Variants in CNBD1 observed in about 807,000 individuals in gnomAD.
CNBD1 encodes cyclic nucleotide-binding domain-containing protein 1.
In CNBD1, 71 loss-of-function variants were observed where a neutral mutation model predicts 54.4. That is an observed-to-expected ratio of 1.30 (90% CI 1.08 to 1.59). The LOEUF is 1.59. CNBD1 is among the 40% of genes most tolerant of loss of function. The pLI, the probability that CNBD1 is intolerant of heterozygous loss-of-function variation, is 0.00. For synonymous variants in CNBD1, 182 were observed against 170.7 expected, an observed-to-expected ratio of 1.07 and a Z score of -0.51; for missense variants, 659 against 518.0, an observed-to-expected ratio of 1.27 and a Z score of -2.64.
intron 3 of CNBD1, among the ~76,000 whole-genome samples, chr8:86,907,415 C>T (rs1017930751): frequency 2.6e-5 from 4 of 152,130 alleles, no homozygotes; most frequent in African/African-American, 9.7e-5. Flanking sequence ...CACCTGTAAT[C>T]CCAGCACTTT....
Position 87,058,655 on chromosome 8 carries a change from G to A in CNBD1, c.431+118901G>A, listed in dbSNP as rs150682483. 4.9e-3 allele frequency among the ~76,000 whole-genome samples: 748 copies of A among 152,236 alleles called. 7 individuals are homozygous for A. The highest frequency in any genetic ancestry group is 0.017 in the African/African-American group (695 of 41,540). ...CTTCTCTGAAGCAATATCCTCAGCTGTACCTTGGTCCCTTTAACCATGGCT... is the reference window on the plus strand; with the variant it reads ...CTTCTCTGAAGCAATATCCTCAGCTATACCTTGGTCCCTTTAACCATGGCT... On this transcript the variant is annotated intron_variant, in intron 4 of 10. Transcript: ENST00000518476.
chr8:87,398,941 G>A (rs892599104), intron 2 of CNBD1, among the ~76,000 whole-genome samples: 1 of 151,948 alleles, frequency 6.6e-6, no homozygotes. Flanking sequence ...CCCTTAGTGG[G>A]ATATTTTTTC....
intron 5 of CNBD1, among the ~76,000 whole-genome samples, chr8:87,229,590 T>C (rs1814620140): frequency 6.6e-6 from 1 of 152,198 alleles, no homozygotes; most frequent in African/African-American, 2.4e-5. Flanking sequence ...ACTCTTTGAA[T>C]TCTATTTTGA....
chr8:87,073,775 A>G (rs1810807863), intron 4 of CNBD1, among the ~76,000 whole-genome samples: 1 of 152,066 alleles, frequency 6.6e-6, no homozygotes, highest in African/African-American at 2.4e-5. Context: ...GGGCTCACCT[A>G]GTCAAGAGGA....
chr8:86,979,914 C>T (rs191083476), intron 4 of CNBD1, among the ~76,000 whole-genome samples: 1 of 152,110 alleles, frequency 6.6e-6, no homozygotes, highest in Admixed American at 6.5e-5. Flanking sequence ...AAAAATGTGA[C>T]AGAAAAAATA....
At chr8:87,424,060 G>T (rs941836695) in intron 2 of CNBD1, among the ~76,000 whole-genome samples, 5 of 152,148 alleles carry the variant, frequency 3.3e-5, no homozygotes, top group Non-Finnish European at 7.4e-5. Context: ...TAGTTTATTT[G>T]TGTAGAAGTG....
At chr8:86,867,478 C>T (rs1808381634) in intron 1 of CNBD1, among the ~76,000 whole-genome samples, 1 of 152,138 alleles carries the variant, frequency 6.6e-6, no homozygotes. Context: ...AATTAATGCT[C>T]ATAGTCTCCA....
intron 10 of CNBD1, among the ~76,000 whole-genome samples, chr8:87,377,257 T>A (rs1263942816): frequency 6.6e-6 from 1 of 151,178 alleles, no homozygotes. Context: ...ACCCACTAAC[T>A]CATCATCTAG....
chr8:86,981,967 C>T (rs888360457), intron 4 of CNBD1, among the ~76,000 whole-genome samples: 1 of 152,134 alleles, frequency 6.6e-6, no homozygotes, highest in African/African-American at 2.4e-5. Context: ...TTATGTTTTA[C>T]TTAATAAGAA....
At chr8:86,983,739 G>A (rs11786731) in intron 4 of CNBD1, among the ~76,000 whole-genome samples, 66,805 of 152,020 alleles carry the variant, frequency 0.44, 15,938 homozygotes, top group South Asian at 0.55. Flanking sequence ...ATGATTTTGG[G>A]TATCTGGCAG....
At chr8:87,354,139 C>T (rs969043904) in intron 10 of CNBD1, among the ~76,000 whole-genome samples, 2 of 152,128 alleles carry the variant, frequency 1.3e-5, no homozygotes, top group Admixed American at 6.6e-5. Context: ...TGCTCTGTGT[C>T]CTGTCCTTCC....
At chr8:87,289,898 G>A (rs1563539477) in intron 8 of CNBD1, among the ~76,000 whole-genome samples, 2 of 152,150 alleles carry the variant, frequency 1.3e-5, no homozygotes, top group African/African-American at 2.4e-5. Flanking sequence ...CGAGGTGCCA[G>A]TGATTCAAGT....
At chr8:87,283,449 C>T (rs11778363) in intron 6 of CNBD1, among the ~76,000 whole-genome samples, 3,862 of 152,008 alleles carry the variant, frequency 0.025, 70 homozygotes, top group Non-Finnish European at 0.039. Context: ...GAGTTCCTTT[C>T]TCTCTGAATT....
At chr8:87,425,158 GT>G (rs1479741322) in intron 2 of CNBD1, among the ~76,000 whole-genome samples, 2 of 152,014 alleles carry the variant, frequency 1.3e-5, no homozygotes, top group Non-Finnish European at 2.9e-5. Context: ...TCGGGCCTTG[GT>G]TTTCAGCTCC....
At chr8:87,165,468 C>T (rs763609570) in intron 4 of CNBD1, among the ~76,000 whole-genome samples, 3 of 151,844 alleles carry the variant, frequency 2.0e-5, no homozygotes, top group Non-Finnish European at 4.4e-5. Context: ...CAATTATGTC[C>T]TCTCAATGGA....
intron 8 of CNBD1, among the ~76,000 whole-genome samples, chr8:87,294,237 T>C (rs1331897504): frequency 6.6e-6 from 1 of 152,078 alleles, no homozygotes; most frequent in Non-Finnish European, 1.5e-5. Context: ...ATATGAGGAA[T>C]GTTTTCATTA....
chr8:87,419,474 T>A (rs1807890080), intron 2 of CNBD1, among the ~76,000 whole-genome samples: 1 of 151,940 alleles, frequency 6.6e-6, no homozygotes, highest in African/African-American at 2.4e-5. Context: ...ACAATAAGAA[T>A]GCATAAGATT....
intron 2 of CNBD1, among the ~76,000 whole-genome samples, chr8:87,423,788 C>G (rs1807989752): frequency 6.6e-6 from 1 of 151,950 alleles, no homozygotes; most frequent in Admixed American, 6.6e-5. Context: ...ATGCTGGCCT[C>G]ATAAAATGAG....
At chr8:87,367,352 C>T (rs1217282028) in intron 10 of CNBD1, among the ~76,000 whole-genome samples, 1 of 152,048 alleles carries the variant, frequency 6.6e-6, no homozygotes, top group East Asian at 1.9e-4. Context: ...TCCAGGTGGG[C>T]TTTTTGAAGA....
Sources: gnomAD v4.1 joint callset for allele counts (sites outside exome capture counted in the v4.1 genomes callset) on GRCh38, gnomAD v4.1.1 for gene constraint, MANE v1.5 for transcripts, NCBI Gene and HGNC (gene_info 2026-07-23, HGNC 2026-07-21) for gene names.